The following KCNK6 variants were observed in gnomAD, a reference collection of about 807,000 sequenced individuals.
The protein encoded by KCNK6 is potassium two pore domain channel subfamily K member 6, also known as potassium channel subfamily K member 6.
A neutral mutation model predicts 21.9 loss-of-function variants in KCNK6; 20 were observed. The ratio of observed to expected loss-of-function variants is 0.91; its 90% CI spans 0.64 to 1.32. KCNK6 has a LOEUF of 1.32. KCNK6 is among the 40% of genes most tolerant of loss of function. KCNK6 has a pLI of 0.00. For synonymous variants in KCNK6, 210 were observed against 218.0 expected (o/e 0.96, Z 0.32); for missense variants, 415 against 433.1 (o/e 0.96, Z 0.37).
intron 1 of KCNK6, among the ~76,000 whole-genome samples, chr19:38,321,614 T>C (rs1436331879): frequency 6.6e-6 from 1 of 152,248 alleles, no homozygotes; most frequent in East Asian, 1.9e-4. Flanking sequence ...TGTTTCTTTG[T>C]TGGGGATTTG....
rs1019979336 is a variant in KCNK6 at position 38,327,568 on chromosome 19, G to T, written c.*165G>T. On this transcript the variant is annotated 3_prime_UTR_variant, in exon 3 of 3. Coordinates refer to ENST00000263372, the MANE Select transcript of KCNK6 (RefSeq NM_004823.3). ...CCCAGCATCTGGCTGGGATGTGAAGGGCAGCACTCCCTGTCCCCATGTCCC... is the reference window on the plus strand; with the variant it reads ...CCCAGCATCTGGCTGGGATGTGAAGTGCAGCACTCCCTGTCCCCATGTCCC... The T allele has an allele frequency of 1.5e-6, 1 of 655,190 alleles. No individual in the cohort carries two copies. The highest frequency in any genetic ancestry group is 1.8e-5 in the African/African-American group (1 of 55,052). 40.6% of individuals were successfully genotyped at this position (655,190 alleles called of 1,614,324 possible). A position where few individuals can be genotyped will look rare whatever the true frequency, so the allele number is the denominator to read the frequency against.
Position 38,320,246 on chromosome 19 carries a change from T to G in KCNK6, c.296T>G (p.Phe99Cys), listed in dbSNP as rs748875386. The G allele has an allele frequency of 1.2e-6, 2 of 1,606,314 alleles. No homozygotes were observed. Among genetic ancestry groups the G allele is most frequent in the East Asian group, 4.5e-5 (2 of 44,798 alleles). The part of the protein sequence containing the change: ...PAWDFASALF[F>C]ASTLITTVGY... ...TGGGACTTCGCCTCTGCTCTCTTCTTCGCCAGCACGCTGATCACCACCGTG... is the reference window on the plus strand; with the variant it reads ...TGGGACTTCGCCTCTGCTCTCTTCTGCGCCAGCACGCTGATCACCACCGTG... The change falls in exon 1 of 3, where the codon TTC becomes TGC. Residue 99 changes from phenylalanine to cysteine, a missense_variant. Phe to Cys is a radical substitution (Grantham distance 205, BLOSUM62 -2). Transcript: ENST00000263372.
In KCNK6 at chr19:38,327,216, T is replaced by C. The variant is rs1361399509; in HGVS notation, c.755T>C (p.Val252Ala). The change falls in exon 3 of 3, where the codon GTG (valine) becomes GCG (alanine). Residue 252 changes from valine (V) to alanine (A), a missense_variant. Val to Ala is a moderately conservative substitution (Grantham distance 64). Coordinates refer to ENST00000263372, the MANE Select transcript of KCNK6 (RefSeq NM_004823.3). ...LFLGLVAMVL[V>A]LQTFRHVSDL... ...CTGGGCCTGGTGGCCATGGTGCTGG[T>C]GCTGCAGACCTTCCGCCACGTGTCC... 2.5e-6 allele frequency: 4 copies of C among 1,613,220 alleles called. No homozygotes were observed. The highest frequency in any genetic ancestry group is 1.7e-5 in the Admixed American group (1 of 60,004).
Position 38,320,162 on chromosome 19 carries a change from G to A in KCNK6, c.212G>A (p.Arg71Gln). The change falls in exon 1 of 3, where the codon CGG (arginine) becomes CAG (glutamine). Residue 71 changes from arginine to glutamine, a missense_variant. Coordinates refer to ENST00000263372, the MANE Select transcript of KCNK6 (RefSeq NM_004823.3). ...AFVERVLAAG[R>Q]LGRVVLANAS... is the part of the protein sequence containing the mutation. ...GTGGAGCGAGTGCTGGCGGCCGGACGGCTGGGGCGGGTCGTGCTTGCTAAC... is the reference window on the plus strand; with the variant it reads ...GTGGAGCGAGTGCTGGCGGCCGGACAGCTGGGGCGGGTCGTGCTTGCTAAC... The A allele has an allele frequency of 1.9e-6, 3 of 1,595,658 alleles. No individual in the cohort carries two copies. Among genetic ancestry groups the A allele is most frequent in the South Asian group, 2.2e-5 (2 of 90,710 alleles).
chr19:38,327,211 G>A lies in KCNK6; in HGVS notation c.750G>A (p.Val250=). The change falls in exon 3 of 3, where the codon GTG becomes GTA. Residue 250 remains valine, a synonymous_variant. Coordinates refer to ENST00000263372, the MANE Select transcript of KCNK6 (RefSeq NM_004823.3). ...TCTTCCTGGGCCTGGTGGCCATGGT[G>A]CTGGTGCTGCAGACCTTCCGCCACG... ...VYLFLGLVAM[V]LVLQTFRHVS... The A allele has an allele frequency of 1.2e-6, 2 of 1,613,186 alleles. No individual in the cohort carries two copies. The highest frequency in any genetic ancestry group is 1.7e-6 in the Non-Finnish European group (2 of 1,180,032).
chr19:38,326,505 G>A (rs1969708069), intron 1 of KCNK6, 88 bp from the exon 2 acceptor site: 2 of 1,426,298 alleles, frequency 1.4e-6, no homozygotes, highest in Non-Finnish European at 1.9e-6. Context: ...AAGCTATGAT[G>A]GCACCGCTGC....
intron 1 of KCNK6, among the ~76,000 whole-genome samples, chr19:38,324,247 T>A (rs1019592547): frequency 6.6e-6 from 1 of 152,144 alleles, no homozygotes; most frequent in South Asian, 2.1e-4. Flanking sequence ...AAGGATTTCA[T>A]GTCATTTGCA....
In KCNK6 at chr19:38,325,585, A is replaced by G. The variant is rs1969699130; in HGVS notation, c.323-1008A>G. 3 of 968,934 alleles carry G rather than the reference A, an allele frequency of 3.1e-6. No homozygotes were observed. In the South Asian group the frequency reaches 1.4e-4, roughly 46 times the overall value. The allele number at this position is 968,934 out of a possible 1,614,324, so 60.0% of individuals were successfully genotyped here. ...GCAGCCTATGAGAAGACGGTAAACC[A>G]TAGAGCATGCTAGAAGGTGTTAAGT... On this transcript the variant is annotated intron_variant, in intron 1 of 2. Transcript: ENST00000263372.
intron 1 of KCNK6, among the ~76,000 whole-genome samples, chr19:38,320,804 C>T (rs1286861844): frequency 6.6e-6 from 1 of 152,098 alleles, no homozygotes; most frequent in Non-Finnish European, 1.5e-5. Flanking sequence ...GGTGATCAGC[C>T]CGCCTCGCCC....
Position 38,329,690 on chromosome 19 carries a change from G to A in KCNK6, c.*2287G>A, listed in dbSNP as rs1171214529. 1 of 152,282 alleles carries A rather than the reference G, an allele frequency of 6.6e-6. No homozygotes were observed. The highest frequency in any genetic ancestry group is 1.5e-5 in the Non-Finnish European group (1 of 68,150). 9.4% of individuals were successfully genotyped at this position (152,282 alleles called of 1,614,324 possible). A position where few individuals can be genotyped will look rare whatever the true frequency, so the allele number is the denominator to read the frequency against. The stretch of plus-strand genomic sequence containing the variant: ...AGCCATGGAAGGGTTTAGAGTAGGA[G>A]TGGGTCATGGTTAGGTTTGGGTTTT... On this transcript the variant is annotated 3_prime_UTR_variant, in exon 3 of 3. Transcript: ENST00000263372.
At chr19:38,327,133 A>AAAATCTGAGCC in intron 2 of KCNK6, 47 bp from the exon 3 acceptor site, 1 of 1,598,840 alleles carries the variant, frequency 6.3e-7, no homozygotes, top group Non-Finnish European at 8.5e-7. Context: ...CCCCGCCTGG[A>AAAATCTGAGCC]AAATCTGAGC....
At chr19:38,320,546 C>T (rs75172195) in intron 1 of KCNK6, among the ~76,000 whole-genome samples, 1 of 145,740 alleles carries the variant, frequency 6.9e-6, no homozygotes, top group East Asian at 2.0e-4. Flanking sequence ...GTTCCTCGGT[C>T]TTTTTTTTTT....
chr19:38,325,064 G>C (rs1326233584), intron 1 of KCNK6: 1 of 150,930 alleles, frequency 6.6e-6, no homozygotes. Flanking sequence ...GCCATGCCAT[G>C]TGGGAGATGG....
At chr19:38,321,785 G>C (rs914954706) in intron 1 of KCNK6, among the ~76,000 whole-genome samples, 1 of 152,354 alleles carries the variant, frequency 6.6e-6, no homozygotes, top group East Asian at 1.9e-4. Context: ...AGGGCGGCCT[G>C]ACCTGCTTCT....
intron 1 of KCNK6, among the ~76,000 whole-genome samples, chr19:38,323,139 G>A (rs563778555): frequency 4.2e-4 from 64 of 152,196 alleles, no homozygotes; most frequent in Non-Finnish European, 6.9e-4. Flanking sequence ...AAAGAGTGGT[G>A]GATGAGGAAT....
chr19:38,325,102 C>G (rs950632889), intron 1 of KCNK6: 2 of 150,132 alleles, frequency 1.3e-5, no homozygotes, highest in Admixed American at 6.8e-5. Context: ...AATCACTCTC[C>G]ACCATCCATC....
In KCNK6 at chr19:38,327,357, A is replaced by C; in HGVS notation, c.896A>C (p.Gln299Pro). The C allele has an allele frequency of 6.2e-7, 1 of 1,612,168 alleles. No individual in the cohort carries two copies. The highest frequency in any genetic ancestry group is 8.5e-7 in the Non-Finnish European group (1 of 1,179,998). Residue 299 changes from glutamine to proline, a missense_variant, in exon 3 of 3, where the codon CAA (glutamine) becomes CCA (proline). Gln to Pro is a moderately conservative substitution (Grantham distance 76). Transcript: ENST00000263372. ...GGCCCCCAGCCGGAGTCGCACCAGC[A>C]ACTCTCTGCCAGCTCCCACACCGAC... ...ILGPQPESHQQLSASSHTDYA... is the reference protein window; with the variant it reads ...ILGPQPESHQPLSASSHTDYA...
chr19:38,324,063 T>C (rs866700621), intron 1 of KCNK6, among the ~76,000 whole-genome samples: 1 of 152,186 alleles, frequency 6.6e-6, no homozygotes, highest in East Asian at 1.9e-4. Context: ...TCAAACTCTA[T>C]GATTTGTCTA....
Position 38,330,637 on chromosome 19 carries a change from A to AAAAAAAAAG in KCNK6, c.*3238_*3239insAAAAGAAAA, listed in dbSNP as rs1568367194. The stretch of plus-strand genomic sequence containing the variant: ...GAGCAAGACCCTGTCTCAAAAAAAA[A>AAAAAAAAAG]AAAAGAAAAGAAAAAGAAAAAGAAA... On this transcript the variant is annotated 3_prime_UTR_variant, in exon 3 of 3. Transcript: ENST00000263372. 1 of 147,400 alleles carries AAAAAAAAAG rather than the reference A, an allele frequency of 6.8e-6. No homozygotes were observed. Among genetic ancestry groups the AAAAAAAAAG allele is most frequent in the African/African-American group, 2.5e-5 (1 of 40,746 alleles). The allele number at this position is 147,400 out of a possible 1,614,324, so 9.1% of individuals were successfully genotyped here.
Sources: gnomAD v4.1 joint callset for allele counts (sites outside exome capture counted in the v4.1 genomes callset) on GRCh38, gnomAD v4.1.1 for gene constraint, MANE v1.5 for transcripts, NCBI Gene and HGNC (gene_info 2026-07-23, HGNC 2026-07-21) for gene names.